The following CLCF1 variants were observed in gnomAD, a reference collection of about 807,000 sequenced individuals.
CLCF1 encodes cardiotrophin like cytokine factor 1.
Under a neutral mutation model 21.2 loss-of-function variants are expected in CLCF1, and 10 were observed. The observed-to-expected ratio is 0.47, with a 90% CI of 0.29 to 0.80. CLCF1 has a LOEUF of 0.80. CLCF1 is among the 30% of genes least tolerant of loss of function. CLCF1 has a pLI of 0.09. For synonymous variants in CLCF1, 115 were observed against 120.5 expected (o/e 0.95, Z 0.30); for missense variants, 240 against 293.4 (o/e 0.82, Z 1.33).
At chr11:67,371,642 G>C (rs1001600874) in intron 1 of CLCF1, among the ~76,000 whole-genome samples, 3 of 152,212 alleles carry the variant, frequency 2.0e-5, no homozygotes, top group African/African-American at 7.2e-5. Flanking sequence ...GGAGCCAGGG[G>C]GGAGCCCAGC....
upstream of CLCF1, chr11:67,373,607 G>GC: frequency 7.8e-7 from 1 of 1,285,876 alleles, no homozygotes; most frequent in Non-Finnish European, 9.8e-7. Flanking sequence ...AGGGCGAGCC[G>GC]CGGCTCCGGC....
At chr11:67,374,009 CT>C, upstream of CLCF1, 1 of 838,998 alleles carries the variant, frequency 1.2e-6, no homozygotes, top group Non-Finnish European at 1.3e-6. Flanking sequence ...CCCCTGCCCC[CT>C]GTCCCCTGCC....
At chr11:67,367,197 G>A (rs552469936) in intron 2 of CLCF1, among the ~76,000 whole-genome samples, 68 of 152,124 alleles carry the variant, frequency 4.5e-4, no homozygotes, top group African/African-American at 1.6e-3. Context: ...AGGGGGAGGC[G>A]GGCGGCTGGG....
Position 67,365,401 on chromosome 11 carries a change from G to A in CLCF1, c.413C>T (p.Thr138Ile). Residue 138 changes from threonine (T) to isoleucine (I), a missense_variant, in exon 3 of 3, where the codon ACC becomes ATC. Coordinates refer to ENST00000312438, the MANE Select transcript of CLCF1 (RefSeq NM_013246.3). The surrounding 1 kb of genome is among the most constrained non-coding windows in gnomAD (Gnocchi z 5.0). ...ELRRSLAHFC[T>I]SLQGLLGSIA... ...GCTGCCCAGCAGGCCCTGGAGGCTG[G>A]TGCAGAAGTGGGCCAGGCTGCGGCG... The A allele has an allele frequency of 6.2e-7, 1 of 1,613,262 alleles. No individual in the cohort carries two copies. Among genetic ancestry groups the A allele is most frequent in the East Asian group, 2.2e-5 (1 of 44,876 alleles).
chr11:67,370,546 C>G, intron 1 of CLCF1: 2 of 984,382 alleles, frequency 2.0e-6, no homozygotes, highest in Non-Finnish European at 2.4e-6. Context: ...AACAGCCCCC[C>G]ACCCCCGGCC....
Position 67,367,613 on chromosome 11 carries a change from C to G in CLCF1, c.30G>C (p.Gly10=), listed in dbSNP as rs749650966. Residue 10 remains glycine (G), a synonymous_variant, in exon 2 of 3, where the codon GGG becomes GGC. Coordinates refer to ENST00000312438, the MANE Select transcript of CLCF1 (RefSeq NM_013246.3). MDLRAGDSW[G]MLACLCTVLW... is the part of the protein sequence containing the mutation. Reference sequence around the variant, plus strand: ...GCACCGTGCACAGGCACGCTAACATCCCCCACGAGTCCCCTGTGGGCAGGA... The same window carrying G: ...GCACCGTGCACAGGCACGCTAACATGCCCCACGAGTCCCCTGTGGGCAGGA... 6.2e-7 allele frequency: 1 copy of G among 1,613,432 alleles called. No homozygotes were observed.
chr11:67,369,929 A>G (rs1862193122), intron 1 of CLCF1: 1 of 985,406 alleles, frequency 1.0e-6, no homozygotes, highest in Non-Finnish European at 1.2e-6. Flanking sequence ...CTGGGCAGAA[A>G]AAAACGGCTC....
In CLCF1 at chr11:67,372,281, G is replaced by A; in HGVS notation, c.16+1243C>T. ...TCCTGGTAGCCCCTCACACCCCGGGGGGAGGGCCAGGCTGGGAGCTGGGGG... is the reference window on the plus strand; with the variant it reads ...TCCTGGTAGCCCCTCACACCCCGGGAGGAGGGCCAGGCTGGGAGCTGGGGG... On this transcript the variant is annotated intron_variant, in intron 1 of 2. Transcript: ENST00000312438. The surrounding 1 kb of genome is among the most constrained non-coding windows in gnomAD (Gnocchi z 5.9). Among the ~76,000 whole-genome samples the A allele has an allele frequency of 6.6e-6, 1 of 152,054 alleles. No individual in the cohort carries two copies. The highest frequency in any genetic ancestry group is 1.9e-4 in the East Asian group (1 of 5,144).
chr11:67,373,871 C>T (rs1862290649), upstream of CLCF1: 3 of 871,504 alleles, frequency 3.4e-6, no homozygotes, highest in South Asian at 5.5e-5. Context: ...GAGGCTGTGG[C>T]GGTACCACCC....
In CLCF1 at chr11:67,368,303, G is replaced by A. The variant is rs572328290; in HGVS notation, c.17-677C>T. On this transcript the variant is annotated intron_variant, in intron 1 of 2. Transcript: ENST00000312438. ...GATTTAGTGCTCACTCTCAGGGAACGGTGGCAGTGTGGAGGTTCACCCCGT... is the reference window on the plus strand; with the variant it reads ...GATTTAGTGCTCACTCTCAGGGAACAGTGGCAGTGTGGAGGTTCACCCCGT... 1.0e-3 allele frequency: 1,006 copies of A among 985,382 alleles called. 2 individuals carry two copies. The highest frequency in any genetic ancestry group is 2.4e-3 in the South Asian group (51 of 21,286). 61.0% of individuals were successfully genotyped at this position (985,382 alleles called of 1,614,324 possible).
At chr11:67,370,695 G>C (rs1225467912) in intron 1 of CLCF1, 1 of 985,350 alleles carries the variant, frequency 1.0e-6, no homozygotes, top group Non-Finnish European at 1.2e-6. Flanking sequence ...AGGCGCACCC[G>C]TGAGCACATG....
chr11:67,368,957 C>T, intron 1 of CLCF1: 1 of 944,896 alleles, frequency 1.1e-6, no homozygotes, highest in Non-Finnish European at 1.3e-6. Flanking sequence ...TCCACCACCC[C>T]TATAGTTCAT....
chr11:67,367,890 TGAGA>T (rs1376746706), intron 1 of CLCF1: 3 of 985,310 alleles, frequency 3.0e-6, no homozygotes, highest in African/African-American at 3.5e-5. Flanking sequence ...GTGTGTCAGC[TGAGA>T]GAGTCTTTGG....
At chr11:67,367,683 G>A in intron 1 of CLCF1, 57 bp from the exon 2 acceptor site, 1 of 1,582,134 alleles carries the variant, frequency 6.3e-7, no homozygotes, top group Non-Finnish European at 8.6e-7. Context: ...CGGGGAAGCA[G>A]CTGGCAGCCC....
In CLCF1 at chr11:67,365,242, A is replaced by G. The variant is rs763102849; in HGVS notation, c.572T>C (p.Leu191Pro). The change falls in exon 3 of 3, where the codon CTG becomes CCG. Residue 191 changes from leucine to proline, a missense_variant. Physicochemically the swap from Leu to Pro is moderately conservative, Grantham distance 98 (BLOSUM62 -3). Transcript: ENST00000312438. The surrounding 1 kb of genome is among the most constrained non-coding windows in gnomAD (Gnocchi z 5.0). ...KMDDFWLLKELQTWLWRSAKD... is the reference protein window; with the variant it reads ...KMDDFWLLKEPQTWLWRSAKD... ...GGCCGAGCGCCACAGCCAGGTCTGC[A>G]GCTCCTTCAGCAGCCAGAAGTCGTC... 1 of 1,613,938 alleles carries G rather than the reference A, an allele frequency of 6.2e-7. No individual in the cohort carries two copies. The highest frequency in any genetic ancestry group is 1.3e-5 in the African/African-American group (1 of 74,952).
chr11:67,366,984 GA>G (rs1377899564), intron 2 of CLCF1, among the ~76,000 whole-genome samples: 23 of 151,992 alleles, frequency 1.5e-4, no homozygotes, highest in Admixed American at 1.3e-3. Context: ...CTTCCCCCAT[GA>G]CCCCCCTAGG....
chr11:67,370,118 G>A, intron 1 of CLCF1: 1 of 984,982 alleles, frequency 1.0e-6, no homozygotes, highest in Non-Finnish European at 1.2e-6. Flanking sequence ...AGAAAAGAAA[G>A]GGGGGGTAGA....
At chr11:67,367,958 G>C in intron 1 of CLCF1, 1 of 985,368 alleles carries the variant, frequency 1.0e-6, no homozygotes, top group Non-Finnish European at 1.2e-6. Flanking sequence ...ATGGAGGGAC[G>C]GGGCCAGGCC....
upstream of CLCF1, chr11:67,373,760 G>A: frequency 2.1e-5 from 24 of 1,130,248 alleles, no homozygotes; most frequent in Non-Finnish European, 2.6e-5. Context: ...ACAAATTGTA[G>A]CGGCCCTCCC....
Sources: allele counts gnomAD v4.1 joint callset (sites outside exome capture counted in the v4.1 genomes callset), GRCh38; gene constraint gnomAD v4.1.1; non-coding constraint Gnocchi (gnomAD v3.1); transcripts MANE v1.5; gene names NCBI Gene and HGNC (gene_info 2026-07-23, HGNC 2026-07-21).